Variants in RCBTB1 observed in about 807,000 individuals in gnomAD.
The protein encoded by RCBTB1 is RCC1 and BTB domain containing protein 1, also known as RCC1 and BTB domain-containing protein 1.
A neutral mutation model predicts 62.4 loss-of-function variants in RCBTB1; 46 were observed. The ratio of observed to expected loss-of-function variants is 0.74; its 90% CI spans 0.58 to 0.94. RCBTB1 has a LOEUF of 0.94. Among genes scored for constraint, RCBTB1 ranks in the 40% least tolerant of loss-of-function variants. RCBTB1 has a pLI of 0.00. For missense variants in RCBTB1, 565 were observed against 654.9 expected (o/e 0.86, Z 1.50); for synonymous variants, 222 against 245.8 (o/e 0.90, Z 0.91).
intron 6 of RCBTB1, 118 bp from the exon 7 acceptor site, chr13:49,552,403 T>C (rs1200840589): frequency 1.6e-6 from 1 of 608,008 alleles, no homozygotes; most frequent in East Asian, 2.9e-5. Flanking sequence ...TTCTACTCTA[T>C]GCTCCTGCAA....
At chr13:49,575,946 G>C (rs562141285) in intron 2 of RCBTB1, among the ~76,000 whole-genome samples, 1 of 152,240 alleles carries the variant, frequency 6.6e-6, no homozygotes, top group Non-Finnish European at 1.5e-5. Context: ...CCAGCATTCT[G>C]GGAGGCCAAG....
intron 10 of RCBTB1, among the ~76,000 whole-genome samples, 180 bp downstream of exon 10, chr13:49,544,557 C>T (rs943016294): frequency 3.3e-5 from 5 of 152,092 alleles, no homozygotes; most frequent in African/African-American, 4.8e-5. Context: ...TTTTCTAAAA[C>T]GCTCCATGAG....
chr13:49,574,715 A>G lies in RCBTB1; in HGVS notation c.-42+5790T>C, dbSNP rs546711002. On this transcript the variant is annotated intron_variant, in intron 2 of 12. Coordinates refer to ENST00000378302, the MANE Select transcript of RCBTB1 (RefSeq NM_018191.4). Reference sequence around the variant, plus strand: ...AAAAAAAAAACATTAGAATTATATTATCTAGATAAACTCCATTTCTAGCAT... The same window carrying G: ...AAAAAAAAAACATTAGAATTATATTGTCTAGATAAACTCCATTTCTAGCAT... Among the ~76,000 whole-genome samples the G allele has an allele frequency of 3.3e-5, 5 of 152,066 alleles. No homozygotes were observed. In the South Asian group the frequency reaches 1.0e-3, roughly 32 times the overall value.
chr13:49,562,723 C>T (rs1962540671), intron 4 of RCBTB1, among the ~76,000 whole-genome samples: 1 of 150,980 alleles, frequency 6.6e-6, no homozygotes, highest in African/African-American at 2.4e-5. Flanking sequence ...ACTGATCCTC[C>T]TGCCTCAGCC....
intron 2 of RCBTB1, among the ~76,000 whole-genome samples, chr13:49,571,358 A>G (rs1200931212): frequency 2.6e-5 from 4 of 152,082 alleles, no homozygotes; most frequent in Non-Finnish European, 4.4e-5. Flanking sequence ...AAAAAAAAAG[A>G]AGTATCCACT....
At chr13:49,575,819 C>T (rs1027808819) in intron 2 of RCBTB1, among the ~76,000 whole-genome samples, 2 of 152,082 alleles carry the variant, frequency 1.3e-5, no homozygotes, top group African/African-American at 4.8e-5. Flanking sequence ...CGGAATTATT[C>T]GTACTCCAAA....
intron 1 of RCBTB1, among the ~76,000 whole-genome samples, chr13:49,582,340 A>G (rs1011906529): frequency 9.9e-5 from 15 of 152,146 alleles, no homozygotes; most frequent in African/African-American, 2.9e-4. Context: ...TACAAAAATT[A>G]GCTGGGCATA....
At chr13:49,541,121 A>C in intron 11 of RCBTB1, 115 bp from the exon 12 acceptor site, 1 of 814,026 alleles carries the variant, frequency 1.2e-6, no homozygotes, top group Middle Eastern at 3.0e-4. Context: ...TTAGTGGATA[A>C]GATTCTGAAT....
intron 12 of RCBTB1, among the ~76,000 whole-genome samples, chr13:49,535,840 T>C (rs575013504): frequency 2.0e-5 from 3 of 152,098 alleles, no homozygotes; most frequent in South Asian, 2.1e-4. Flanking sequence ...TTGACCAACA[T>C]GGTGAAACCC....
At chr13:49,537,697 AACTG>A (rs1447742803) in intron 12 of RCBTB1, among the ~76,000 whole-genome samples, 1 of 152,258 alleles carries the variant, frequency 6.6e-6, no homozygotes, top group African/African-American at 2.4e-5. Context: ...TGCATTGTGC[AACTG>A]ATCTATCTTG....
chr13:49,559,422 C>T (rs1362427859), intron 5 of RCBTB1, among the ~76,000 whole-genome samples: 1 of 152,066 alleles, frequency 6.6e-6, no homozygotes, highest in Non-Finnish European at 1.5e-5. Context: ...TTTTGGAGGC[C>T]AAGGCGGGCA....
At chr13:49,553,259 T>C (rs1356231104) in intron 6 of RCBTB1, among the ~76,000 whole-genome samples, 1 of 152,302 alleles carries the variant, frequency 6.6e-6, no homozygotes, top group Non-Finnish European at 1.5e-5. Context: ...AAATTTCTCA[T>C]TGAAATATTA....
intron 4 of RCBTB1, among the ~76,000 whole-genome samples, chr13:49,564,760 G>A (rs1206682472): frequency 5.3e-5 from 8 of 151,060 alleles, no homozygotes; most frequent in Admixed American, 2.0e-4. Context: ...GCATGGTGGC[G>A]GGCGCCAGTA....
At chr13:49,584,359 T>A (rs905832118) in intron 1 of RCBTB1, among the ~76,000 whole-genome samples, 1 of 152,206 alleles carries the variant, frequency 6.6e-6, no homozygotes, top group Admixed American at 6.5e-5. Flanking sequence ...ATAAATAGAC[T>A]GATATTCACA....
At chr13:49,542,209 G>A (rs534806865) in intron 10 of RCBTB1, among the ~76,000 whole-genome samples, 1,317 of 69,992 alleles carry the variant, frequency 0.019, 18 homozygotes, top group East Asian at 0.13. Context: ...GCAAAACTCC[G>A]TCTCAAAAAA....
At chr13:49,568,705 C>A (rs1963195569) in intron 2 of RCBTB1, among the ~76,000 whole-genome samples, 1 of 151,774 alleles carries the variant, frequency 6.6e-6, no homozygotes, top group African/African-American at 2.4e-5. Flanking sequence ...CCAAGGTGGG[C>A]AGATCAGGAG....
intron 2 of RCBTB1, among the ~76,000 whole-genome samples, chr13:49,576,886 A>G (rs1399366479): frequency 1.3e-5 from 2 of 152,170 alleles, no homozygotes; most frequent in Admixed American, 1.3e-4. Flanking sequence ...GTGCAAGGAA[A>G]GAAAAGAGGA....
intron 1 of RCBTB1, among the ~76,000 whole-genome samples, chr13:49,584,996 A>G (rs1964312604): frequency 6.6e-6 from 1 of 152,216 alleles, no homozygotes; most frequent in Non-Finnish European, 1.5e-5. Flanking sequence ...GAAACGATAA[A>G]GAATACGGTT....
At chr13:49,538,888 CTT>C (rs386379142) in intron 12 of RCBTB1, among the ~76,000 whole-genome samples, 15 of 78,888 alleles carry the variant, frequency 1.9e-4, no homozygotes, top group African/African-American at 5.0e-4. Flanking sequence ...TTTTTTTTAA[CTT>C]TTTTTTTTTT....
Sources: allele counts gnomAD v4.1 joint callset (sites outside exome capture counted in the v4.1 genomes callset), GRCh38; gene constraint gnomAD v4.1.1; transcripts MANE v1.5; gene names NCBI Gene and HGNC (gene_info 2026-07-23, HGNC 2026-07-21).